GRM1: variants seen among roughly 807,000 people sequenced by gnomAD.
GRM1 encodes metabotropic glutamate receptor 1.
A neutral mutation model predicts 90.9 loss-of-function variants in GRM1; 33 were observed. That is an observed-to-expected ratio of 0.36 (90% CI 0.28 to 0.49). The LOEUF (loss-of-function observed/expected upper bound fraction) is 0.49, where lower values mean the gene tolerates loss of function less well. Among genes scored for constraint, GRM1 ranks in the 20% least tolerant of loss-of-function variants. The pLI is 0.99. For synonymous variants in GRM1, 700 were observed against 613.2 expected (o/e 1.14, Z -2.09); for missense variants, 1,190 against 1,534.3 (o/e 0.78, Z 3.75).
At position 146,435,067 on chromosome 6, in the gene GRM1, C is replaced by A. The variant is rs1778554719; in HGVS notation, c.*271C>A. 2 of 573,510 alleles carry A rather than the reference C, an allele frequency of 3.5e-6. No individual in the cohort carries two copies. Among genetic ancestry groups the A allele is most frequent in the East Asian group, 3.0e-5 (1 of 33,538 alleles). The allele number at this position is 573,510 out of a possible 1,614,324, so 35.5% of individuals were successfully genotyped here. A position where few individuals can be genotyped will look rare whatever the true frequency, so the allele number is the denominator to read the frequency against. ...AAGGGAATTCTGACAAAGCACAATT[C>A]CATATGGTATGTAACTTTTATCACA... On this transcript the variant is annotated 3_prime_UTR_variant, in exon 8 of 8. Coordinates refer to ENST00000282753, the MANE Select transcript of GRM1 (RefSeq NM_001278064.2).
chr6:146,174,445 A>T (rs1046175400), intron 2 of GRM1, among the ~76,000 whole-genome samples: 5 of 152,220 alleles, frequency 3.3e-5, no homozygotes, highest in Admixed American at 3.3e-4. Flanking sequence ...TTTCAAACCT[A>T]GATAAGTGCA....
At chr6:146,049,794 GTATT>G (rs1336236320) in intron 1 of GRM1, among the ~76,000 whole-genome samples, 1 of 151,688 alleles carries the variant, frequency 6.6e-6, no homozygotes, top group African/African-American at 2.4e-5. Flanking sequence ...CATGGAGTGA[GTATT>G]TATTGTGTGC....
At chr6:146,049,615 A>G (rs372575844) in intron 1 of GRM1, among the ~76,000 whole-genome samples, 2 of 124,966 alleles carry the variant, frequency 1.6e-5, no homozygotes, top group Non-Finnish European at 3.7e-5. Flanking sequence ...AACCTCCATA[A>G]TTGCATGAGC....
rs1481573740 is a variant in GRM1 at position 146,435,969 on chromosome 6, TCTATC to T, written c.*1178_*1182del. 1 of 152,642 alleles carries T rather than the reference TCTATC, an allele frequency of 6.6e-6. No individual in the cohort carries two copies. The highest frequency in any genetic ancestry group is 1.5e-5 in the Non-Finnish European group (1 of 68,042). The allele number at this position is 152,642 out of a possible 1,614,324, so 9.5% of individuals were successfully genotyped here. A position where few individuals can be genotyped will look rare whatever the true frequency, so the allele number is the denominator to read the frequency against. ...ATTACTGGTTTAAATGACAAATAAT[TCTATC>T]CTATTGTCACTGAAGTCCTTGTAAC... On this transcript the variant is annotated 3_prime_UTR_variant, in exon 8 of 8. Transcript: ENST00000282753.
intron 2 of GRM1, among the ~76,000 whole-genome samples, chr6:146,162,606 C>A (rs1220577045): frequency 6.6e-6 from 1 of 152,124 alleles, no homozygotes; most frequent in Admixed American, 6.6e-5. Context: ...TGTCACTCAT[C>A]ACCTCACATG....
chr6:146,211,130 A>G (rs550851286), intron 2 of GRM1, among the ~76,000 whole-genome samples: 1 of 152,184 alleles, frequency 6.6e-6, no homozygotes, highest in African/African-American at 2.4e-5. Context: ...GGGAAGAAAA[A>G]AAAAAAAACA....
intron 4 of GRM1, among the ~76,000 whole-genome samples, chr6:146,354,687 C>G (rs576106286): frequency 3.7e-4 from 56 of 152,218 alleles, no homozygotes; most frequent in Non-Finnish European, 5.7e-4. Flanking sequence ...CTTTTGGTCC[C>G]TCTTGTAATT....
chr6:146,097,467 A>G (rs1470532967), intron 1 of GRM1, among the ~76,000 whole-genome samples: 1 of 152,184 alleles, frequency 6.6e-6, no homozygotes, highest in Non-Finnish European at 1.5e-5. Flanking sequence ...AATTTGTTAA[A>G]TAGAATTTCA....
intron 5 of GRM1, among the ~76,000 whole-genome samples, chr6:146,383,410 A>G (rs780767698): frequency 1.3e-5 from 2 of 152,146 alleles, no homozygotes; most frequent in African/African-American, 2.4e-5. Flanking sequence ...ATAATTCATG[A>G]TGGCTCTTAC....
chr6:146,234,196 T>G (rs1402442005), intron 2 of GRM1, among the ~76,000 whole-genome samples: 2 of 151,794 alleles, frequency 1.3e-5, no homozygotes, highest in African/African-American at 4.8e-5. Context: ...TAACTTTTTA[T>G]TTTTTTTACT....
chr6:146,278,723 G>A (rs1782461558), intron 2 of GRM1, among the ~76,000 whole-genome samples: 1 of 152,184 alleles, frequency 6.6e-6, no homozygotes, highest in Admixed American at 6.5e-5. Context: ...GGCTGAGGTT[G>A]CAGTAAGCCG....
At chr6:146,149,149 G>A (rs1203885722) in intron 1 of GRM1, among the ~76,000 whole-genome samples, 4 of 152,184 alleles carry the variant, frequency 2.6e-5, no homozygotes, top group African/African-American at 4.8e-5. Flanking sequence ...TGAGGCATGA[G>A]TGTTTGTAAC....
chr6:146,354,754 A>G (rs1332877838), intron 4 of GRM1, among the ~76,000 whole-genome samples: 1 of 152,174 alleles, frequency 6.6e-6, no homozygotes, highest in Non-Finnish European at 1.5e-5. Flanking sequence ...TGTTGTAAAT[A>G]TGTAATTTAT....
At position 146,172,346 on chromosome 6, in the gene GRM1, G is replaced by T. The variant is rs922425394; in HGVS notation, c.950+12749G>T. Among the ~76,000 whole-genome samples the T allele has an allele frequency of 5.3e-4, 81 of 151,976 alleles. 2 individuals are homozygous for T. The highest frequency in any genetic ancestry group is 8.8e-5 in the Non-Finnish European group (6 of 68,002). Reference sequence around the variant, plus strand: ...GTTAATAAGCATTGTATTTACATTGGGCACACCTGTATAACTCAGGACATT... The same window carrying T: ...GTTAATAAGCATTGTATTTACATTGTGCACACCTGTATAACTCAGGACATT... On this transcript the variant is annotated intron_variant, in intron 2 of 7. Transcript: ENST00000282753.
At chr6:146,309,295 A>C (rs1164125843) in intron 3 of GRM1, among the ~76,000 whole-genome samples, 1 of 151,748 alleles carries the variant, frequency 6.6e-6, no homozygotes, top group Non-Finnish European at 1.5e-5. Flanking sequence ...GCTACTCGGG[A>C]GGCTGAGGCA....
intron 6 of GRM1, among the ~76,000 whole-genome samples, chr6:146,389,991 A>G (rs1475872036): frequency 6.6e-6 from 1 of 152,096 alleles, no homozygotes; most frequent in Non-Finnish European, 1.5e-5. Context: ...GAGAAAACCT[A>G]TGAGAACAGA....
intron 1 of GRM1, among the ~76,000 whole-genome samples, chr6:146,151,832 T>C (rs1276782315): frequency 6.6e-6 from 1 of 152,146 alleles, no homozygotes; most frequent in Non-Finnish European, 1.5e-5. Context: ...ACTTTTATGA[T>C]TATTCAAATA....
intron 2 of GRM1, among the ~76,000 whole-genome samples, chr6:146,186,932 G>C (rs1370043227): frequency 1.3e-5 from 2 of 152,150 alleles, no homozygotes; most frequent in Non-Finnish European, 2.9e-5. Flanking sequence ...AGATGGAAGG[G>C]AACTTTAAAG....
intron 3 of GRM1, among the ~76,000 whole-genome samples, chr6:146,343,583 G>A (rs1338675931): frequency 6.6e-6 from 1 of 151,754 alleles, no homozygotes; most frequent in African/African-American, 2.4e-5. Context: ...GTCTCTGATG[G>A]TTGGAAGTCT....
Sources: gnomAD v4.1 joint callset for allele counts (sites outside exome capture counted in the v4.1 genomes callset) on GRCh38, gnomAD v4.1.1 for gene constraint, MANE v1.5 for transcripts, NCBI Gene and HGNC (gene_info 2026-07-23, HGNC 2026-07-21) for gene names.